The following PLCB1 variants were observed in gnomAD, a reference collection of about 807,000 sequenced individuals.
PLCB1 encodes phospholipase C beta 1.
Under a neutral mutation model 161.8 loss-of-function variants are expected in PLCB1, and 46 were observed. The ratio of observed to expected loss-of-function variants is 0.28; its 90% CI spans 0.22 to 0.36. The LOEUF (loss-of-function observed/expected upper bound fraction) is 0.36, where lower values mean the gene tolerates loss of function less well. PLCB1 is among the 10% of genes least tolerant of loss of function. The pLI, the probability that PLCB1 is intolerant of heterozygous loss-of-function variation, is 1.00. For synonymous variants in PLCB1, 517 were observed against 503.7 expected (o/e 1.03, Z -0.35); for missense variants, 1,016 against 1,472.5 (o/e 0.69, Z 5.07).
intron 2 of PLCB1, among the ~76,000 whole-genome samples, chr20:8,246,473 C>T (rs1230617941): frequency 6.6e-6 from 1 of 151,912 alleles, no homozygotes; most frequent in Non-Finnish European, 1.5e-5. Context: ...ATTCTTGAGG[C>T]CTGTTGTTAG....
At chr20:8,200,272 C>T (rs2052079300) in intron 2 of PLCB1, among the ~76,000 whole-genome samples, 1 of 151,978 alleles carries the variant, frequency 6.6e-6, no homozygotes, top group Admixed American at 6.6e-5. Context: ...CATTGTTACT[C>T]TTATGCCATG....
At chr20:8,347,543 G>A (rs1219398110) in intron 2 of PLCB1, among the ~76,000 whole-genome samples, 4 of 152,062 alleles carry the variant, frequency 2.6e-5, no homozygotes, top group Non-Finnish European at 4.4e-5. Context: ...CCATTTTAAT[G>A]GAAATTTCCA....
intron 2 of PLCB1, among the ~76,000 whole-genome samples, chr20:8,367,928 G>A (rs912248496): frequency 6.6e-6 from 1 of 152,148 alleles, no homozygotes; most frequent in African/African-American, 2.4e-5. Context: ...TTGAATCATC[G>A]CTTTGTAGCC....
At position 8,881,841 on chromosome 20, in the gene PLCB1, C is replaced by T. The variant is rs138077430; in HGVS notation, c.3643C>T (p.Pro1215Ser). ...CATCCCAGGAAAAGAATTTGATACT[C>T]CTCTGTGAATGCTCCTGCCAGGCCT... ...GDIPGKEFDTPL is the reference protein window; with the variant it reads ...GDIPGKEFDTSL The change falls in exon 32 of 32, where the codon CCT becomes TCT. Residue 1215 changes from proline (P) to serine (S), a missense_variant. Pro to Ser is a moderately conservative substitution (Grantham distance 74). This residue lies in a region of PLCB1 where 398 missense variants were observed against 445.4 expected (regional missense o/e 0.89). Transcript: ENST00000338037. The T allele has an allele frequency of 3.0e-4, 478 of 1,608,296 alleles. No homozygotes were observed. The highest frequency in any genetic ancestry group is 3.8e-4 in the Admixed American group (23 of 60,010).
At chr20:8,769,394 T>G (rs1490042122) in intron 26 of PLCB1, among the ~76,000 whole-genome samples, 1 of 152,014 alleles carries the variant, frequency 6.6e-6, no homozygotes, top group Non-Finnish European at 1.5e-5. Context: ...TATATAGCAT[T>G]TTAATGAATT....
intron 31 of PLCB1, among the ~76,000 whole-genome samples, chr20:8,816,360 C>G (rs1985085244): frequency 6.6e-6 from 1 of 152,062 alleles, no homozygotes; most frequent in South Asian, 2.1e-4. Flanking sequence ...ATACCAAAAA[C>G]AAAAAGAATT....
chr20:8,479,336 G>C (rs778808985), intron 3 of PLCB1, among the ~76,000 whole-genome samples: 2 of 152,142 alleles, frequency 1.3e-5, no homozygotes, highest in Non-Finnish European at 1.5e-5. Context: ...AGATAATGCT[G>C]AAATACATTT....
At chr20:8,830,260 A>G (rs1024887554) in intron 31 of PLCB1, among the ~76,000 whole-genome samples, 1 of 152,206 alleles carries the variant, frequency 6.6e-6, no homozygotes, top group Admixed American at 6.5e-5. Flanking sequence ...GTCCATTCCA[A>G]TGAAAAGAGC....
chr20:8,192,805 AGATAACTGTT>A (rs1413144187), intron 2 of PLCB1, among the ~76,000 whole-genome samples: 1 of 151,986 alleles, frequency 6.6e-6, no homozygotes, highest in African/African-American at 2.4e-5. Context: ...GCAGAGAAGC[AGATAACTGTT>A]GAGGAGTGGC....
intron 2 of PLCB1, among the ~76,000 whole-genome samples, chr20:8,354,519 C>T (rs1476233324): frequency 1.3e-5 from 2 of 152,170 alleles, no homozygotes; most frequent in Non-Finnish European, 2.9e-5. Context: ...TACACACCCT[C>T]TTCCAAAAAC....
At chr20:8,482,092 AT>A (rs199634903) in intron 3 of PLCB1, among the ~76,000 whole-genome samples, 122 of 104,820 alleles carry the variant, frequency 1.2e-3, no homozygotes, top group Middle Eastern at 5.4e-3. Flanking sequence ...GCTTGAAGGA[AT>A]TTTTTTTTTT....
intron 2 of PLCB1, among the ~76,000 whole-genome samples, chr20:8,324,094 A>G (rs1194529262): frequency 2.6e-5 from 4 of 152,132 alleles, no homozygotes; most frequent in Admixed American, 1.3e-4. Context: ...GACTGCTATA[A>G]TCATAACACT....
chr20:8,826,633 TA>T (rs1401420272), intron 31 of PLCB1, among the ~76,000 whole-genome samples: 7 of 152,202 alleles, frequency 4.6e-5, no homozygotes, highest in African/African-American at 1.7e-4. Flanking sequence ...ACCATTAACT[TA>T]AACTTCTTCT....
chr20:8,790,514 G>A (rs1308734202), intron 31 of PLCB1, among the ~76,000 whole-genome samples: 1 of 152,114 alleles, frequency 6.6e-6, no homozygotes, highest in Non-Finnish European at 1.5e-5. Flanking sequence ...ACTAATCTGG[G>A]GTATGGCTCA....
intron 11 of PLCB1, among the ~76,000 whole-genome samples, chr20:8,698,968 T>A (rs1174965261): frequency 2.0e-5 from 3 of 152,174 alleles, no homozygotes; most frequent in African/African-American, 7.2e-5. Context: ...ATCTAAAGTC[T>A]GTCCACATGT....
At chr20:8,186,561 A>C (rs1462558743) in intron 2 of PLCB1, among the ~76,000 whole-genome samples, 1 of 152,162 alleles carries the variant, frequency 6.6e-6, no homozygotes, top group African/African-American at 2.4e-5. Context: ...AATCTCTGTG[A>C]GTTTGCCCCC....
intron 23 of PLCB1, among the ~76,000 whole-genome samples, chr20:8,746,652 T>A (rs1981187982): frequency 6.6e-6 from 1 of 152,164 alleles, no homozygotes; most frequent in Admixed American, 6.6e-5. Flanking sequence ...GCCATGAAGC[T>A]TTTACTGTAT....
intron 3 of PLCB1, among the ~76,000 whole-genome samples, chr20:8,416,803 C>T (rs958417148): frequency 1.3e-5 from 2 of 151,866 alleles, no homozygotes; most frequent in Admixed American, 6.6e-5. Flanking sequence ...GGTAGCCTGA[C>T]TGAAGAGTAC....
chr20:8,177,606 G>T (rs1457905768), intron 2 of PLCB1, among the ~76,000 whole-genome samples: 6 of 150,750 alleles, frequency 4.0e-5, no homozygotes, highest in African/African-American at 1.5e-4. Flanking sequence ...GTGCTATGCA[G>T]GGCCCAAGTA....
Sources: allele counts gnomAD v4.1 joint callset (sites outside exome capture counted in the v4.1 genomes callset), GRCh38; gene constraint gnomAD v4.1.1; regional missense constraint gnomAD v4.1.1; transcripts MANE v1.5; gene names NCBI Gene and HGNC (gene_info 2026-07-23, HGNC 2026-07-21).